The following NFIX variants were observed in gnomAD, a reference collection of about 807,000 sequenced individuals.
NFIX encodes nuclear factor I X, also known as nuclear factor 1 X-type.
In NFIX, 2 loss-of-function variants were observed where a neutral mutation model predicts 53.3. The ratio of observed to expected loss-of-function variants is 0.04; its 90% confidence interval spans 0.02 to 0.12. The LOEUF is 0.12. NFIX is among the 10% of genes least tolerant of loss of function. The pLI, the probability that NFIX is intolerant of heterozygous loss-of-function variation, is 1.00. For synonymous variants in NFIX, 244 were observed against 289.0 expected, an observed-to-expected ratio of 0.84 and a Z score of 1.58; for missense variants, 310 against 674.5, an observed-to-expected ratio of 0.46 and a Z score of 5.99.
At chr19:13,086,382 G>C (rs1158646332) in intron 8 of NFIX, among the ~76,000 whole-genome samples, 1 of 152,238 alleles carries the variant, frequency 6.6e-6, no homozygotes, top group African/African-American at 2.4e-5. Context: ...TAGTCAGGCA[G>C]ACATGGCTGT....
In NFIX at chr19:12,998,891, CTG is replaced by C. The variant is rs1181681078; in HGVS notation, c.27+3030_27+3031del. 6.6e-6 allele frequency among the ~76,000 whole-genome samples: 1 copy of C among 152,172 alleles called. No individual in the cohort carries two copies. On this transcript the variant is annotated intron_variant, in intron 1 of 10. Transcript: ENST00000592199. The surrounding 1 kb of genome is among the most constrained non-coding windows in gnomAD (Gnocchi z 4.4). ...TTGACGCACGTATGGACACAGGAAA[CTG>C]TGGACTTGTGTTCACAACCACCCCC... is the stretch of plus-strand genomic sequence containing the variant.
chr19:13,082,269 G>A (rs2017518883), intron 8 of NFIX: 1 of 188,114 alleles, frequency 5.3e-6, no homozygotes, highest in African/African-American at 2.3e-5. Flanking sequence ...GTTGACATTT[G>A]GGGCTGTTTA....
intron 2 of NFIX, among the ~76,000 whole-genome samples, chr19:13,069,341 CAG>C (rs968553856): frequency 2.6e-5 from 4 of 152,164 alleles, no homozygotes; most frequent in African/African-American, 9.7e-5. Flanking sequence ...ACTGGGGAAT[CAG>C]AGAGACAGTC....
chr19:13,097,036 A>G lies in NFIX; in HGVS notation c.*2387A>G, dbSNP rs1344660139. On this transcript the variant is annotated 3_prime_UTR_variant, in exon 11 of 11. Coordinates refer to ENST00000592199, the MANE Select transcript of NFIX (RefSeq NM_001365902.3). ...GTGCAATGCATCAGAGAGTTTTCCT[A>G]TCTTTGTATGTTAAGAGATTAAGAA... The G allele has an allele frequency of 6.6e-6, 1 of 150,574 alleles. No homozygotes were observed. Among genetic ancestry groups the G allele is most frequent in the Non-Finnish European group, 1.5e-5 (1 of 67,656 alleles). 9.3% of individuals were successfully genotyped at this position (150,574 alleles called of 1,614,324 possible). A position where few individuals can be genotyped will look rare whatever the true frequency, so the allele number is the denominator to read the frequency against.
At chr19:13,024,909 C>T (rs1259288071) in intron 1 of NFIX, 112 bp from the exon 2 acceptor site, 5 of 1,437,520 alleles carry the variant, frequency 3.5e-6, no homozygotes, top group Middle Eastern at 1.7e-4. Flanking sequence ...GGCGGTTTTC[C>T]TTGTGCCCCC....
rs904616110 is a variant in NFIX at position 13,028,947 on chromosome 19, A to G, written c.559+3395A>G. Among the ~76,000 whole-genome samples the G allele has an allele frequency of 6.6e-6, 1 of 152,188 alleles. No individual in the cohort carries two copies. Among genetic ancestry groups the G allele is most frequent in the Non-Finnish European group, 1.5e-5 (1 of 68,024 alleles). On this transcript the variant is annotated intron_variant, in intron 2 of 10. Transcript: ENST00000592199. This position sits in a 1 kb window ranked among gnomAD's most constrained non-coding sequence, Gnocchi z 4.2. ...GCCTTGGTCCTAGGAAAGAAAAAAAAAAATCCAAAGCTAACAAAATACTTG... is the reference window on the plus strand; with the variant it reads ...GCCTTGGTCCTAGGAAAGAAAAAAAGAAATCCAAAGCTAACAAAATACTTG...
intron 1 of NFIX, among the ~76,000 whole-genome samples, chr19:13,007,340 G>A (rs979959046): frequency 6.6e-6 from 1 of 152,116 alleles, no homozygotes; most frequent in African/African-American, 2.4e-5. Flanking sequence ...GTATCTCTGG[G>A]GTTGGGGGGC....
At position 13,089,181 on chromosome 19, in the gene NFIX, G is replaced by A. The variant is rs1390918014; in HGVS notation, c.1402+1045G>A. Among the ~76,000 whole-genome samples, 2 of 152,198 alleles carry A rather than the reference G, an allele frequency of 1.3e-5. No homozygotes were observed. Among genetic ancestry groups the A allele is most frequent in the Admixed American group, 1.3e-4 (2 of 15,282 alleles). ...AGACATGAAGTCACAGTCATTGGAG[G>A]TGGGCAGGGTGGGGGATGGGAGCTG... On this transcript the variant is annotated intron_variant, in intron 9 of 10. Coordinates refer to ENST00000592199, the MANE Select transcript of NFIX (RefSeq NM_001365902.3). The surrounding 1 kb of genome is among the most constrained non-coding windows in gnomAD (Gnocchi z 4.8).
rs936652215 is a variant in NFIX at position 13,012,612 on chromosome 19, G to A, written c.28-12409G>A. On this transcript the variant is annotated intron_variant, in intron 1 of 10. Coordinates refer to ENST00000592199, the MANE Select transcript of NFIX (RefSeq NM_001365902.3). This position sits in a 1 kb window ranked among gnomAD's most constrained non-coding sequence, Gnocchi z 5.0. ...GGCGCGCGGGGGTTGGGGGTTCAGG[G>A]CCGCCTGTGCCTCAGTTTCTCTCCT... 3.3e-5 allele frequency among the ~76,000 whole-genome samples: 5 copies of A among 152,246 alleles called. No individual in the cohort carries two copies. The highest frequency in any genetic ancestry group is 6.5e-5 in the Admixed American group (1 of 15,294).
chr19:12,995,949 C>A, intron 1 of NFIX, 85 bp downstream of exon 1: 2 of 545,816 alleles, frequency 3.7e-6, no homozygotes, highest in South Asian at 7.7e-5. Flanking sequence ...GGACGCGCGG[C>A]GGCCGGGAAG....
rs762961540 is a variant in NFIX, at chr19:13,090,353, G to A, written c.1457G>A (p.Arg486Gln). ...SANRFVSIGP[R>Q]DGNFLNIPQQ... ...AACCGGTTTGTCAGCATCGGACCCC[G>A]GGACGGCAACTTTCTGAACATCCCA... Residue 486 changes from arginine (R) to glutamine (Q), a missense_variant, in exon 10 of 11, where the codon CGG (arginine) becomes CAG (glutamine). Physicochemically the swap from Arg to Gln is conservative, Grantham distance 43. This residue lies in a region of NFIX where 44 missense variants were observed against 73.4 expected (regional missense o/e 0.60). Coordinates refer to ENST00000592199, the MANE Select transcript of NFIX (RefSeq NM_001365902.3). This position sits in a 1 kb window ranked among gnomAD's most constrained non-coding sequence, Gnocchi z 6.6. 11 of 1,613,920 alleles carry A rather than the reference G, an allele frequency of 6.8e-6. No homozygotes were observed. Among genetic ancestry groups the A allele is most frequent in the Admixed American group, 1.7e-5 (1 of 60,030 alleles).
In NFIX at chr19:13,096,864, G is replaced by A. The variant is rs560882982; in HGVS notation, c.*2215G>A. ...GCGTGCCCGGCGGGGCTGCCCGGGC[G>A]GGCAGGGGGTGGGGGCTGCTCCTTT... On this transcript the variant is annotated 3_prime_UTR_variant, in exon 11 of 11. Coordinates refer to ENST00000592199, the MANE Select transcript of NFIX (RefSeq NM_001365902.3). The A allele has an allele frequency of 6.6e-6, 1 of 151,586 alleles. No individual in the cohort carries two copies. Among genetic ancestry groups the A allele is most frequent in the East Asian group, 2.0e-4 (1 of 5,124 alleles). 9.4% of individuals were successfully genotyped at this position (151,586 alleles called of 1,614,324 possible). A position where few individuals can be genotyped will look rare whatever the true frequency, so the allele number is the denominator to read the frequency against.
rs1323662729 is a variant in NFIX at position 13,073,708 on chromosome 19, A to C, written c.698-198A>C. 6.6e-6 allele frequency among the ~76,000 whole-genome samples: 1 copy of C among 152,056 alleles called. No individual in the cohort carries two copies. The highest frequency in any genetic ancestry group is 1.5e-5 in the Non-Finnish European group (1 of 68,006). On this transcript the variant is annotated intron_variant, in intron 4 of 10. Coordinates refer to ENST00000592199, the MANE Select transcript of NFIX (RefSeq NM_001365902.3). The surrounding 1 kb of genome is among the most constrained non-coding windows in gnomAD (Gnocchi z 4.5). Reference sequence around the variant, plus strand: ...TCCATTGCTTTGGAGGAAAAAGAAAAAGTCACAACCAAAGGCTCTTCTGTG... The same window carrying C: ...TCCATTGCTTTGGAGGAAAAAGAAACAGTCACAACCAAAGGCTCTTCTGTG...
intron 6 of NFIX, among the ~76,000 whole-genome samples, chr19:13,076,382 C>G (rs1007373457): frequency 1.3e-5 from 2 of 152,214 alleles, no homozygotes; most frequent in East Asian, 1.9e-4. Context: ...AACCCACCCC[C>G]CTTCACCTCC....
chr19:13,038,945 G>A (rs1223931066), intron 2 of NFIX, among the ~76,000 whole-genome samples: 2 of 152,182 alleles, frequency 1.3e-5, no homozygotes, highest in African/African-American at 4.8e-5. Context: ...TGGGGAGGAA[G>A]GGCCCAAGGG....
Position 13,051,160 on chromosome 19 carries a change from G to GACAC in NFIX, c.560-21887_560-21886insACAC. ...CTGTGCTGCAGATCTCATCGCTGAA[G>GACAC]GTGTGGCTAAGGCTGTCCCACCAGG... On this transcript the variant is annotated intron_variant, in intron 2 of 10. Coordinates refer to ENST00000592199, the MANE Select transcript of NFIX (RefSeq NM_001365902.3). The surrounding 1 kb of genome is among the most constrained non-coding windows in gnomAD (Gnocchi z 5.1). Among the ~76,000 whole-genome samples, 1 of 152,322 alleles carries GACAC rather than the reference G, an allele frequency of 6.6e-6. No homozygotes were observed. Among genetic ancestry groups the GACAC allele is most frequent in the African/African-American group, 2.4e-5 (1 of 41,570 alleles).
In NFIX at chr19:13,073,933, ACTT is replaced by A; in HGVS notation, c.728_730del (p.Phe243del). 1 of 1,613,848 alleles carries A rather than the reference ACTT, an allele frequency of 6.2e-7. No individual in the cohort carries two copies. The highest frequency in any genetic ancestry group is 8.5e-7 in the Non-Finnish European group (1 of 1,179,854). The stretch of plus-strand genomic sequence containing the variant: ...CCTGTTGCAACAGCATCAGGGCCCA[ACTT>A]CTCCCTGGCGGACCTGGAGAGTCCC... On this transcript the variant is annotated inframe_deletion, in exon 5 of 11. Coordinates refer to ENST00000592199, the MANE Select transcript of NFIX (RefSeq NM_001365902.3). The surrounding 1 kb of genome is among the most constrained non-coding windows in gnomAD (Gnocchi z 4.5).
rs796070638 is a variant in NFIX, at chr19:13,040,942, G to C, written c.559+15390G>C. Among the ~76,000 whole-genome samples, 3 of 152,124 alleles carry C rather than the reference G, an allele frequency of 2.0e-5. No homozygotes were observed. The highest frequency in any genetic ancestry group is 4.4e-5 in the Non-Finnish European group (3 of 68,026). ...ATAGCTCCTTCCTCCTCTCTCACCT[G>C]GTCCTAAACCTCTTTCCTCTGGCCC... On this transcript the variant is annotated intron_variant, in intron 2 of 10. Transcript: ENST00000592199. This position sits in a 1 kb window ranked among gnomAD's most constrained non-coding sequence, Gnocchi z 4.2.
At chr19:13,026,871 T>G (rs532910558) in intron 2 of NFIX, among the ~76,000 whole-genome samples, 1 of 152,318 alleles carries the variant, frequency 6.6e-6, no homozygotes, top group South Asian at 2.1e-4. Context: ...TCGCAAAGGT[T>G]GTTTCTCCGC....
Sources: gnomAD v4.1 joint callset for allele counts (sites outside exome capture counted in the v4.1 genomes callset) on GRCh38, gnomAD v4.1.1 for gene constraint, gnomAD v4.1.1 regional missense constraint, Gnocchi (gnomAD v3.1) non-coding constraint, MANE v1.5 for transcripts, NCBI Gene and HGNC (gene_info 2026-07-23, HGNC 2026-07-21) for gene names.